RASGEF1A: variants seen among roughly 807,000 people sequenced by gnomAD.
The protein encoded by RASGEF1A is RasGEF domain family member 1A.
RASGEF1A carries 18 observed loss-of-function variants against 56.4 expected under a neutral mutation model. The ratio of observed to expected loss-of-function variants is 0.32; its 90% CI spans 0.22 to 0.47. The LOEUF (loss-of-function observed/expected upper bound fraction) is 0.47, where lower values mean the gene tolerates loss of function less well. Ranked by LOEUF, RASGEF1A falls within the 20% of genes least tolerant of loss-of-function variation. RASGEF1A has a pLI of 1.00. For synonymous variants in RASGEF1A, 245 were observed against 242.6 expected (o/e 1.01, Z -0.09); for missense variants, 422 against 627.1 (o/e 0.67, Z 3.49).
At chr10:43,209,085 C>G in intron 1 of RASGEF1A, 1 of 985,492 alleles carries the variant, frequency 1.0e-6, no homozygotes, top group Non-Finnish European at 1.2e-6. Context: ...AGCTGCAAAC[C>G]TGTGTATCTG....
At chr10:43,222,536 G>A (rs79259211) in intron 1 of RASGEF1A, among the ~76,000 whole-genome samples, 10,184 of 152,288 alleles carry the variant, frequency 0.067, 924 homozygotes, top group African/African-American at 0.2. Flanking sequence ...GAGCTTCTGC[G>A]TAGGCAAGCA....
chr10:43,221,715 G>C (rs991135239), intron 1 of RASGEF1A, among the ~76,000 whole-genome samples: 1 of 152,242 alleles, frequency 6.6e-6, no homozygotes, highest in African/African-American at 2.4e-5. Context: ...GGTCCAAGGG[G>C]CCCGTGCTGC....
At chr10:43,239,924 A>G (rs1420183104) in intron 1 of RASGEF1A, among the ~76,000 whole-genome samples, 1 of 106,912 alleles carries the variant, frequency 9.4e-6, no homozygotes, top group African/African-American at 2.8e-5. Context: ...AGAAAGCTTA[A>G]AAGGAAAGTT....
At chr10:43,209,585 G>A (rs1840038456) in intron 1 of RASGEF1A, among the ~76,000 whole-genome samples, 1 of 152,214 alleles carries the variant, frequency 6.6e-6, no homozygotes, top group Non-Finnish European at 1.5e-5. Flanking sequence ...ATTCCCACCA[G>A]CATGATTGCT....
At chr10:43,225,329 C>T (rs998499303) in intron 1 of RASGEF1A, among the ~76,000 whole-genome samples, 2 of 141,120 alleles carry the variant, frequency 1.4e-5, no homozygotes, top group African/African-American at 5.4e-5. Context: ...GTCTGTGTCT[C>T]TGTGTCTGTG....
chr10:43,228,176 A>G (rs1051375889), intron 1 of RASGEF1A, among the ~76,000 whole-genome samples: 2 of 151,952 alleles, frequency 1.3e-5, no homozygotes, highest in Non-Finnish European at 2.9e-5. Flanking sequence ...CCAGTCTCCA[A>G]TCTGGCCCCA....
rs1268205126 is a variant in RASGEF1A, at chr10:43,199,117, G to A, written c.927C>T (p.Asn309=). The A allele has an allele frequency of 6.2e-7, 1 of 1,613,860 alleles. No homozygotes were observed. Among genetic ancestry groups the A allele is most frequent in the African/African-American group, 1.3e-5 (1 of 75,042 alleles). The part of the protein sequence containing the change: ...DVARECFNIG[N]FNSMMAIISG... Reference sequence around the variant, plus strand: ...AGATGATGGCCATCATGGAGTTGAAGTTCCCGATGTTGAAGCACTCCCGGG... The same window carrying A: ...AGATGATGGCCATCATGGAGTTGAAATTCCCGATGTTGAAGCACTCCCGGG... The change falls in exon 8 of 13, where the codon AAC becomes AAT. Residue 309 remains asparagine, a synonymous_variant. Transcript: ENST00000395810.
At chr10:43,217,231 G>A (rs1026546109) in intron 1 of RASGEF1A, among the ~76,000 whole-genome samples, 1 of 152,210 alleles carries the variant, frequency 6.6e-6, no homozygotes, top group African/African-American at 2.4e-5. Flanking sequence ...GCATGGGGCT[G>A]GGGGACCTGT....
Position 43,217,623 on chromosome 10 carries a change from G to A in RASGEF1A, c.-6-11501C>T, listed in dbSNP as rs549516500. Among the ~76,000 whole-genome samples the A allele has an allele frequency of 1.3e-4, 20 of 152,354 alleles. 1 individual carries two copies. In the Middle Eastern group the frequency reaches 0.01, roughly 78 times the overall value. ...GTGCAGGCAAGTGACACCTGCCTGG[G>A]AGAGTCTGGGGCTTAGTCTCCACCA... On this transcript the variant is annotated intron_variant, in intron 1 of 12. Coordinates refer to ENST00000395810, the MANE Select transcript of RASGEF1A (RefSeq NM_145313.4).
intron 1 of RASGEF1A, chr10:43,229,589 C>T: frequency 6.9e-7 from 1 of 1,451,804 alleles, no homozygotes; most frequent in Non-Finnish European, 9.2e-7. Context: ...CCCGACAGCG[C>T]AAGAACCCTG....
chr10:43,242,534 C>T (rs901006465), intron 1 of RASGEF1A, among the ~76,000 whole-genome samples: 3 of 152,152 alleles, frequency 2.0e-5, no homozygotes, highest in South Asian at 2.1e-4. Flanking sequence ...CTCTCGCTCT[C>T]GCTCTCCGTC....
chr10:43,205,130 C>T (rs553617092), intron 2 of RASGEF1A, among the ~76,000 whole-genome samples: 4 of 152,290 alleles, frequency 2.6e-5, no homozygotes, highest in East Asian at 3.9e-4. Context: ...GCATCCCTCC[C>T]GCCCACCTCC....
intron 1 of RASGEF1A, among the ~76,000 whole-genome samples, chr10:43,225,540 C>A (rs1046578803): frequency 6.8e-6 from 1 of 146,680 alleles, no homozygotes; most frequent in Non-Finnish European, 1.5e-5. Context: ...TCTGTGTGCA[C>A]CTATGTGTGT....
intron 1 of RASGEF1A, chr10:43,207,066 C>T (rs770989287): frequency 1.0e-6 from 1 of 985,588 alleles, no homozygotes; most frequent in East Asian, 1.1e-4. Context: ...GTGCCCCAGA[C>T]AGCCAGCCAT....
At chr10:43,218,657 G>A (rs1233177215) in intron 1 of RASGEF1A, among the ~76,000 whole-genome samples, 1 of 152,238 alleles carries the variant, frequency 6.6e-6, no homozygotes, top group Non-Finnish European at 1.5e-5. Context: ...CAAGTACTGC[G>A]AAGAAGGGCC....
At chr10:43,258,601 G>A (rs1020111310) in intron 1 of RASGEF1A, among the ~76,000 whole-genome samples, 1 of 152,240 alleles carries the variant, frequency 6.6e-6, no homozygotes, top group Admixed American at 6.5e-5. Context: ...GGGCCGAGGG[G>A]CACCACCAGC....
At chr10:43,218,217 G>A (rs982803678) in intron 1 of RASGEF1A, among the ~76,000 whole-genome samples, 1 of 152,232 alleles carries the variant, frequency 6.6e-6, no homozygotes, top group Non-Finnish European at 1.5e-5. Context: ...TAGACACACA[G>A]CTCTTGGGAG....
chr10:43,249,057 C>G (rs1348552733), intron 1 of RASGEF1A, among the ~76,000 whole-genome samples: 2 of 152,102 alleles, frequency 1.3e-5, no homozygotes, highest in Non-Finnish European at 2.9e-5. Flanking sequence ...AAGCAATCCA[C>G]GTAGGGAAGA....
chr10:43,219,416 G>A (rs866790312), intron 1 of RASGEF1A, among the ~76,000 whole-genome samples: 4 of 152,186 alleles, frequency 2.6e-5, no homozygotes, highest in African/African-American at 9.7e-5. Flanking sequence ...TCCACCCCAA[G>A]TGAAATCACC....
Sources: allele counts gnomAD v4.1 joint callset (sites outside exome capture counted in the v4.1 genomes callset), GRCh38; gene constraint gnomAD v4.1.1; transcripts MANE v1.5; gene names NCBI Gene and HGNC (gene_info 2026-07-23, HGNC 2026-07-21).